The following EPOR variants were observed in gnomAD, a reference collection of about 807,000 sequenced individuals.
EPOR encodes erythropoietin receptor.
A neutral mutation model predicts 34.3 loss-of-function variants in EPOR; 20 were observed. The observed-to-expected ratio is 0.58, with a 90% confidence interval of 0.41 to 0.85. The LOEUF (loss-of-function observed/expected upper bound fraction) is 0.85, where lower values mean the gene tolerates loss of function less well. Ranked by LOEUF, EPOR falls within the 40% of genes least tolerant of loss-of-function variation. EPOR has a pLI of 0.00. For synonymous variants in EPOR, 312 were observed against 299.0 expected (o/e 1.04, Z -0.45); for missense variants, 601 against 672.7 (o/e 0.89, Z 1.18).
Position 11,384,136 on chromosome 19 carries a change from C to T in EPOR, c.72G>A (p.Trp24Ter). ...GGTCCGGGAGGTTAGGCGGGGGCGC[C>T]CAGGCGGCCCCAGCGAGCAGGAGAC... Reference protein sequence around the residue: ...SLCLLLAGAAWAPPPNLPDPK... With the variant: ...SLCLLLAGAA Residue 24 changes from tryptophan to a stop codon, truncating the protein, a stop_gained, in exon 1 of 8, where the codon TGG becomes TGA. Transcript: ENST00000222139. LOFTEE classifies it high-confidence loss of function. The T allele has an allele frequency of 6.5e-7, 1 of 1,550,236 alleles. No homozygotes were observed. Among genetic ancestry groups the T allele is most frequent in the Non-Finnish European group, 8.7e-7 (1 of 1,146,672 alleles).
intron 2 of EPOR, among the ~76,000 whole-genome samples, chr19:11,382,590 C>G (rs1968377802): frequency 1.3e-5 from 2 of 152,020 alleles, no homozygotes; most frequent in Non-Finnish European, 2.9e-5. Context: ...CTCAAACTCC[C>G]GACCTCAGGT....
chr19:11,378,498 C>T lies in EPOR; in HGVS notation c.1013G>A (p.Cys338Tyr), dbSNP rs1968314112. Residue 338 changes from cysteine to tyrosine, a missense_variant, in exon 8 of 8, where the codon TGC becomes TAC. Coordinates refer to ENST00000222139, the MANE Select transcript of EPOR (RefSeq NM_000121.4). The surrounding 1 kb of genome is among the most constrained non-coding windows in gnomAD (Gnocchi z 5.3). ...PASLEVLSER[C>Y]WGTMQAVEPG... is the part of the protein sequence containing the mutation. ...CTCCACTGCCTGCATCGTCCCCCAG[C>T]AGCGCTCTGAGAGGACTTCCAGGGA... 6.2e-6 allele frequency: 10 copies of T among 1,614,210 alleles called. No individual in the cohort carries two copies. The highest frequency in any genetic ancestry group is 8.5e-6 in the Non-Finnish European group (10 of 1,180,026).
intron 2 of EPOR, among the ~76,000 whole-genome samples, chr19:11,382,446 C>T (rs538946266): frequency 1.3e-5 from 2 of 151,926 alleles, no homozygotes; most frequent in South Asian, 4.2e-4. Flanking sequence ...TCACCGCAAC[C>T]TCCGCCTCCC....
At position 11,381,355 on chromosome 19, in the gene EPOR, C is replaced by A; in HGVS notation, c.586-146G>T. ...ACCAATAAGAGTAGGGGGAGGAGCCCAAGAAAGCTCAGGGCCAATCAGAGA... is the reference window on the plus strand; with the variant it reads ...ACCAATAAGAGTAGGGGGAGGAGCCAAAGAAAGCTCAGGGCCAATCAGAGA... On this transcript the variant is annotated intron_variant, in intron 4 of 7. Transcript: ENST00000222139. This position sits in a 1 kb window ranked among gnomAD's most constrained non-coding sequence, Gnocchi z 5.3. 2 of 896,370 alleles carry A rather than the reference C, an allele frequency of 2.2e-6. No individual in the cohort carries two copies. The highest frequency in any genetic ancestry group is 3.5e-6 in the Non-Finnish European group (2 of 577,142). 55.5% of individuals were successfully genotyped at this position (896,370 alleles called of 1,614,324 possible).
In EPOR at chr19:11,377,783, A is replaced by G. The variant is rs757449517; in HGVS notation, c.*201T>C. 4.2e-6 allele frequency: 3 copies of G among 717,168 alleles called. No individual in the cohort carries two copies. Among genetic ancestry groups the G allele is most frequent in the Admixed American group, 1.9e-5 (1 of 53,484 alleles). 44.4% of individuals were successfully genotyped at this position (717,168 alleles called of 1,614,324 possible). A position where few individuals can be genotyped will look rare whatever the true frequency, so the allele number is the denominator to read the frequency against. On this transcript the variant is annotated 3_prime_UTR_variant, in exon 8 of 8. Coordinates refer to ENST00000222139, the MANE Select transcript of EPOR (RefSeq NM_000121.4). ...AAAACTTACATACATATGTGTATATATATATATAGATACAAAAAAAAACTA... is the reference window on the plus strand; with the variant it reads ...AAAACTTACATACATATGTGTATATGTATATATAGATACAAAAAAAAACTA...
In EPOR at chr19:11,377,646, T is replaced by A. The variant is rs987002796; in HGVS notation, c.*338A>T. On this transcript the variant is annotated 3_prime_UTR_variant, in exon 8 of 8. Transcript: ENST00000222139. ...TATTTTGTTATGTTATGAGTAGCAT[T>A]CAGATTGCAGATCCAGCTTCTGAAT... 5.9e-6 allele frequency: 3 copies of A among 505,448 alleles called. No individual in the cohort carries two copies. The highest frequency in any genetic ancestry group is 1.1e-5 in the Non-Finnish European group (3 of 261,926). 31.3% of individuals were successfully genotyped at this position (505,448 alleles called of 1,614,324 possible).
At position 11,381,544 on chromosome 19, in the gene EPOR, G is replaced by T; in HGVS notation, c.585+148C>A. The T allele has an allele frequency of 1.2e-6, 1 of 818,890 alleles. No individual in the cohort carries two copies. The highest frequency in any genetic ancestry group is 1.9e-6 in the Non-Finnish European group (1 of 524,842). 50.7% of individuals were successfully genotyped at this position (818,890 alleles called of 1,614,324 possible). ...ACATTAGGAAAGGGGGTGTGTCTGT[G>T]GGCGTGGAACGGTCTTCAGCACCAG... On this transcript the variant is annotated intron_variant, in intron 4 of 7. Coordinates refer to ENST00000222139, the MANE Select transcript of EPOR (RefSeq NM_000121.4). The surrounding 1 kb of genome is among the most constrained non-coding windows in gnomAD (Gnocchi z 5.3).
chr19:11,381,676 T>G lies in EPOR; in HGVS notation c.585+16A>C, dbSNP rs2144698008. ...CAGTGGAGCTTTGGGGGCTGGGCCG[T>G]AGGGGCTGGCCTCACCCTCTGTACG... On this transcript the variant is annotated intron_variant, in intron 4 of 7. Transcript: ENST00000222139. This position sits in a 1 kb window ranked among gnomAD's most constrained non-coding sequence, Gnocchi z 5.3. 1 of 1,594,630 alleles carries G rather than the reference T, an allele frequency of 6.3e-7. No homozygotes were observed. Among genetic ancestry groups the G allele is most frequent in the Non-Finnish European group, 8.5e-7 (1 of 1,170,690 alleles).
rs1329852497 is a variant in EPOR at position 11,382,038 on chromosome 19, A to G, written c.319T>C (p.Cys107Arg). ...PTARGAVRFWCSLPTADTSSF... is the reference protein window; with the variant it reads ...PTARGAVRFWRSLPTADTSSF... ...GACGTGTCGGCTGTAGGCAGCGAAC[A>G]CCAGAAGCGCACCGCACCACGAGCC... Residue 107 changes from cysteine (C) to arginine (R), a missense_variant, in exon 3 of 8, where the codon TGT becomes CGT. By Grantham distance (180) the Cys-to-Arg change is radical (BLOSUM62 -3). Transcript: ENST00000222139. 1.2e-6 allele frequency: 2 copies of G among 1,614,110 alleles called. No homozygotes were observed. Among genetic ancestry groups the G allele is most frequent in the Non-Finnish European group, 8.5e-7 (1 of 1,180,016 alleles).
Position 11,381,680 on chromosome 19 carries a change from G to A in EPOR, c.585+12C>T, listed in dbSNP as rs778403971. On this transcript the variant is annotated intron_variant, in intron 4 of 7. Coordinates refer to ENST00000222139, the MANE Select transcript of EPOR (RefSeq NM_000121.4). This position sits in a 1 kb window ranked among gnomAD's most constrained non-coding sequence, Gnocchi z 5.3. ...GGAGCTTTGGGGGCTGGGCCGTAGG[G>A]GCTGGCCTCACCCTCTGTACGCTCC... 5.0e-6 allele frequency: 8 copies of A among 1,599,166 alleles called. No homozygotes were observed. Among genetic ancestry groups the A allele is most frequent in the African/African-American group, 4.0e-5 (3 of 74,520 alleles).
rs1241687607 is a variant in EPOR, at chr19:11,383,166, A to G, written c.182T>C (p.Val61Ala). 1.2e-6 allele frequency: 2 copies of G among 1,612,740 alleles called. No individual in the cohort carries two copies. The highest frequency in any genetic ancestry group is 8.5e-7 in the Non-Finnish European group (1 of 1,179,854). The change falls in exon 2 of 8, where the codon GTG becomes GCG. Residue 61 changes from valine to alanine, a missense_variant. Val to Ala is a moderately conservative substitution (Grantham distance 64). Transcript: ENST00000222139. The surrounding 1 kb of genome is among the most constrained non-coding windows in gnomAD (Gnocchi z 4.9). ...GCTCGCCGCTTCCTCCCAGAAACAC[A>G]CCAAGTCCTCCAACCGCTCGGTGAA... Reference protein sequence around the residue: ...LCFTERLEDLVCFWEEAASAG... With the variant: ...LCFTERLEDLACFWEEAASAG...
chr19:11,381,750 G>C lies in EPOR; in HGVS notation c.527C>G (p.Ser176Cys). ...GACGTCCACCTCGTAGCGGATGTGA[G>C]ACGTCATGGGTGTCTCAGGCGGCGG... ...WLPPPETPMT[S>C]HIRYEVDVSA... Residue 176 changes from serine (S) to cysteine (C), a missense_variant, in exon 4 of 8, where the codon TCT (serine) becomes TGT (cysteine). By Grantham distance (112) the Ser-to-Cys change is moderately radical. Transcript: ENST00000222139. The surrounding 1 kb of genome is among the most constrained non-coding windows in gnomAD (Gnocchi z 5.3). 3.7e-6 allele frequency: 6 copies of C among 1,613,350 alleles called. No homozygotes were observed. The highest frequency in any genetic ancestry group is 5.1e-6 in the Non-Finnish European group (6 of 1,179,740).
chr19:11,377,387 C>T lies in EPOR; in HGVS notation c.*597G>A. 2 of 454,022 alleles carry T rather than the reference C, an allele frequency of 4.4e-6. No individual in the cohort carries two copies. The highest frequency in any genetic ancestry group is 3.1e-5 in the South Asian group (2 of 64,472). 28.1% of individuals were successfully genotyped at this position (454,022 alleles called of 1,614,324 possible). A position where few individuals can be genotyped will look rare whatever the true frequency, so the allele number is the denominator to read the frequency against. ...GAAGAGAGGAAGCCCATTTCCAGGC[C>T]AGATCCCTCAAATGGCCCATTGAGG... is the stretch of plus-strand genomic sequence containing the variant. On this transcript the variant is annotated 3_prime_UTR_variant, in exon 8 of 8. Transcript: ENST00000222139.
Position 11,381,700 on chromosome 19 carries a change from C to T in EPOR, c.577G>A (p.Val193Ile), listed in dbSNP as rs1304121438. 1 of 1,606,744 alleles carries T rather than the reference C, an allele frequency of 6.2e-7. No homozygotes were observed. The highest frequency in any genetic ancestry group is 1.1e-5 in the South Asian group (1 of 89,836). ...DVSAGNGAGS[V>I]QRVEILEGRT... ...GTAGGGGCTGGCCTCACCCTCTGTACGCTCCCTGCGCCGTTGCCGGCCGAG... is the reference window on the plus strand; with the variant it reads ...GTAGGGGCTGGCCTCACCCTCTGTATGCTCCCTGCGCCGTTGCCGGCCGAG... The change falls in exon 4 of 8, where the codon GTA becomes ATA. Residue 193 changes from valine (V) to isoleucine (I), a missense_variant. Coordinates refer to ENST00000222139, the MANE Select transcript of EPOR (RefSeq NM_000121.4). This position sits in a 1 kb window ranked among gnomAD's most constrained non-coding sequence, Gnocchi z 5.3.
rs201253733 is a variant in EPOR, at chr19:11,381,952, A to C, written c.405T>G (p.Arg135=). The change falls in exon 3 of 8, where the codon CGT becomes CGG. Residue 135 remains arginine, a synonymous_variant. Transcript: ENST00000222139. This position sits in a 1 kb window ranked among gnomAD's most constrained non-coding sequence, Gnocchi z 5.3. ...TACCTACTTCATTGATGTGGATGACACGGTGATATCGCGGAGCGCCGGAGG... is the reference window on the plus strand; with the variant it reads ...TACCTACTTCATTGATGTGGATGACCCGGTGATATCGCGGAGCGCCGGAGG... ...TAASGAPRYH[R]VIHINEVVLL... 5.6e-6 allele frequency: 9 copies of C among 1,614,218 alleles called. No individual in the cohort carries two copies.
In EPOR at chr19:11,381,078, A is replaced by T. The variant is rs1968349193; in HGVS notation, c.717T>A (p.Pro239=). The T allele has an allele frequency of 3.7e-6, 6 of 1,601,660 alleles. No individual in the cohort carries two copies. Among genetic ancestry groups the T allele is most frequent in the Non-Finnish European group, 5.1e-6 (6 of 1,174,372 alleles). Residue 239 remains proline, a synonymous_variant, in exon 5 of 8, where the codon CCT becomes CCA. Transcript: ENST00000222139. This position sits in a 1 kb window ranked among gnomAD's most constrained non-coding sequence, Gnocchi z 5.3. ...CACCGCTAGGCGTCAGCAGCGACAC[A>T]GGCTCCGACCAGGCGCTCCAGAAGC... ...FGGFWSAWSE[P]VSLLTPSDLD... is the part of the protein sequence containing the mutation.
intron 6 of EPOR, among the ~76,000 whole-genome samples, chr19:11,379,113 C>T (rs1188518220): frequency 6.6e-6 from 1 of 152,014 alleles, no homozygotes; most frequent in Non-Finnish European, 1.5e-5. Context: ...ATCATTTGAA[C>T]CCAGGAGTTC....
Position 11,381,845 on chromosome 19 carries a change from G to A in EPOR, c.432C>T (p.Leu144=), listed in dbSNP as rs546538474. 1.9e-5 allele frequency: 30 copies of A among 1,614,004 alleles called. No individual in the cohort carries two copies. Among genetic ancestry groups the A allele is most frequent in the Non-Finnish European group, 2.5e-5 (30 of 1,179,988 alleles). The change falls in exon 4 of 8, where the codon CTC becomes CTT. Residue 144 remains leucine, a synonymous_variant. Transcript: ENST00000222139. The surrounding 1 kb of genome is among the most constrained non-coding windows in gnomAD (Gnocchi z 5.3). ...CCACCAGCCCCACGGGGGCGTCTAG[G>A]AGCACTGCAGGCATGGGGGTTGGTC... The part of the protein sequence containing the change: ...HRVIHINEVV[L]LDAPVGLVAR...
In EPOR at chr19:11,381,829, C is replaced by G; in HGVS notation, c.448G>C (p.Gly150Arg). The G allele has an allele frequency of 1.2e-6, 2 of 1,614,016 alleles. No individual in the cohort carries two copies. Among genetic ancestry groups the G allele is most frequent in the Non-Finnish European group, 1.7e-6 (2 of 1,179,918 alleles). ...NEVVLLDAPVGLVARLADESG... is the reference protein window; with the variant it reads ...NEVVLLDAPVRLVARLADESG... ...TCGTCAGCCAACCGCGCCACCAGCCCCACGGGGGCGTCTAGGAGCACTGCA... is the reference window on the plus strand; with the variant it reads ...TCGTCAGCCAACCGCGCCACCAGCCGCACGGGGGCGTCTAGGAGCACTGCA... The change falls in exon 4 of 8, where the codon GGG becomes CGG. Residue 150 changes from glycine to arginine, a missense_variant. Gly to Arg is a moderately radical substitution (Grantham distance 125). Coordinates refer to ENST00000222139, the MANE Select transcript of EPOR (RefSeq NM_000121.4). This position sits in a 1 kb window ranked among gnomAD's most constrained non-coding sequence, Gnocchi z 5.3.
Sources: gnomAD v4.1 joint callset for allele counts (sites outside exome capture counted in the v4.1 genomes callset) on GRCh38, gnomAD v4.1.1 for gene constraint, Gnocchi (gnomAD v3.1) non-coding constraint, MANE v1.5 for transcripts, NCBI Gene and HGNC (gene_info 2026-07-23, HGNC 2026-07-21) for gene names.